Variants in EML6 observed in about 807,000 individuals in gnomAD.
The protein encoded by EML6 is EMAP like 6.
Under a neutral mutation model 240.1 loss-of-function variants are expected in EML6, and 154 were observed. The observed-to-expected ratio is 0.64, with a 90% CI of 0.56 to 0.73. The LOEUF is 0.73. Ranked by LOEUF, EML6 falls within the 30% of genes least tolerant of loss-of-function variation. The pLI is 0.00. For missense variants in EML6, 2,964 were observed against 2,474.6 expected (o/e 1.20, Z -4.20); for synonymous variants, 1,148 against 899.0 (o/e 1.28, Z -4.95).
chr2:54,963,518 G>C (rs1676617392), intron 36 of EML6, among the ~76,000 whole-genome samples: 1 of 151,796 alleles, frequency 6.6e-6, no homozygotes. Context: ...GTAAGTGACA[G>C]GGCCAGGATT....
intron 28 of EML6, among the ~76,000 whole-genome samples, chr2:54,945,012 C>A (rs1668431878): frequency 8.4e-6 from 1 of 118,478 alleles, no homozygotes; most frequent in African/African-American, 3.3e-5. Context: ...ATCCATTCCT[C>A]CCTACCCCCC....
chr2:54,797,171 A>AAAAAAAAAAAAAAAAAAAC (rs1558556926), intron 2 of EML6, among the ~76,000 whole-genome samples: 2 of 140,726 alleles, frequency 1.4e-5, no homozygotes, highest in South Asian at 2.2e-4. Flanking sequence ...TCTCAAAAAA[A>AAAAAAAAAAAAAAAAAAAC]AAAAAAAAAA....
intron 12 of EML6, among the ~76,000 whole-genome samples, chr2:54,860,445 A>C (rs1054155608): frequency 3.9e-5 from 6 of 152,156 alleles, no homozygotes; most frequent in African/African-American, 1.4e-4. Flanking sequence ...TCCGGAGGCT[A>C]CTTGGCGGCC....
intron 32 of EML6, 118 bp downstream of exon 32, chr2:54,954,274 G>C: frequency 1.1e-6 from 1 of 905,650 alleles, no homozygotes. Context: ...GACTGCTGCT[G>C]GGCAAGTGGA....
chr2:54,869,291 GGC>G lies in EML6; in HGVS notation c.2163_2164del (p.Arg721SerfsTer7). 3 of 1,551,690 alleles carry G rather than the reference GGC, an allele frequency of 1.9e-6. No individual in the cohort carries two copies. The South Asian group carries it at 3.6e-5, about 18-fold the overall frequency. On this transcript the variant is annotated frameshift_variant, in exon 15 of 42. Coordinates refer to ENST00000356458, the MANE Select transcript of EML6 (RefSeq NM_001039753.4). LOFTEE classifies it high-confidence loss of function. ...TATAATCGGCAGCAGCACTCCCAGA[GGC>G]TGTACCTGGGGCACGATGACGACAT...
chr2:54,818,548 C>T (rs1296532367), intron 4 of EML6, among the ~76,000 whole-genome samples: 2 of 152,234 alleles, frequency 1.3e-5, no homozygotes, highest in Non-Finnish European at 2.9e-5. Context: ...CAGAGCAGAG[C>T]TCTCTGAACC....
intron 12 of EML6, among the ~76,000 whole-genome samples, chr2:54,862,779 A>C (rs1017028961): frequency 2.6e-5 from 4 of 152,256 alleles, no homozygotes; most frequent in African/African-American, 9.6e-5. Flanking sequence ...GAGAATCATC[A>C]CACATAAGGA....
intron 26 of EML6, among the ~76,000 whole-genome samples, chr2:54,923,204 G>T (rs1224825758): frequency 6.6e-6 from 1 of 152,112 alleles, no homozygotes; most frequent in Non-Finnish European, 1.5e-5. Context: ...GCCTCCCAAA[G>T]TGCTGGGATT....
At chr2:54,808,324 C>T (rs1264376024) in intron 2 of EML6, among the ~76,000 whole-genome samples, 1 of 152,222 alleles carries the variant, frequency 6.6e-6, no homozygotes, top group Non-Finnish European at 1.5e-5. Context: ...CCTTTTCTGC[C>T]TTGCAGATGA....
intron 5 of EML6, among the ~76,000 whole-genome samples, chr2:54,822,340 C>G (rs1017912044): frequency 6.6e-6 from 1 of 152,252 alleles, no homozygotes; most frequent in Middle Eastern, 3.4e-3. Flanking sequence ...AATATTTATC[C>G]TTAGAAATGT....
chr2:54,802,854 A>C (rs1401017624), intron 2 of EML6, among the ~76,000 whole-genome samples: 1 of 152,152 alleles, frequency 6.6e-6, no homozygotes, highest in African/African-American at 2.4e-5. Flanking sequence ...ACACACTCTT[A>C]CACATGGAAT....
chr2:54,788,104 T>C (rs1387009559), intron 2 of EML6, among the ~76,000 whole-genome samples: 1 of 152,140 alleles, frequency 6.6e-6, no homozygotes, highest in Non-Finnish European at 1.5e-5. Flanking sequence ...AGCCAACCAC[T>C]GCCCTGTGGA....
intron 2 of EML6, among the ~76,000 whole-genome samples, chr2:54,799,491 G>GC (rs1670002031): frequency 6.6e-6 from 1 of 151,922 alleles, no homozygotes; most frequent in Non-Finnish European, 1.5e-5. Context: ...GATTACAGGT[G>GC]CCCACCACCA....
chr2:54,788,414 C>T (rs1436937624), intron 2 of EML6, among the ~76,000 whole-genome samples: 2 of 152,188 alleles, frequency 1.3e-5, no homozygotes, highest in Non-Finnish European at 2.9e-5. Context: ...CCACTATAAC[C>T]GAGTTTTCTG....
At chr2:54,874,921 C>G (rs1399983775) in intron 16 of EML6, among the ~76,000 whole-genome samples, 1 of 152,152 alleles carries the variant, frequency 6.6e-6, no homozygotes, top group Non-Finnish European at 1.5e-5. Flanking sequence ...AAGGCAGAAC[C>G]CAGGTCCATT....
intron 3 of EML6, 97 bp downstream of exon 3, chr2:54,813,488 T>A: frequency 9.5e-7 from 1 of 1,052,108 alleles, no homozygotes; most frequent in Non-Finnish European, 1.4e-6. Context: ...CCATCAACCC[T>A]TGCTGGTTCT....
intron 26 of EML6, among the ~76,000 whole-genome samples, chr2:54,922,056 AAAGC>A (rs1054401494): frequency 6.9e-4 from 105 of 152,344 alleles, no homozygotes; most frequent in African/African-American, 2.4e-3. Context: ...AGCAAAAACA[AAAGC>A]AAGTGAGACA....
intron 26 of EML6, 41 bp downstream of exon 26, chr2:54,916,976 T>G: frequency 7.1e-7 from 1 of 1,415,842 alleles, no homozygotes; most frequent in Non-Finnish European, 9.7e-7. Context: ...CTCAGTCTCC[T>G]TAATAACCTT....
intron 2 of EML6, among the ~76,000 whole-genome samples, chr2:54,800,826 T>C (rs1376787432): frequency 6.6e-6 from 1 of 152,028 alleles, no homozygotes; most frequent in Non-Finnish European, 1.5e-5. Context: ...ATAATAGACA[T>C]GTAGGATCCT....
Sources: gnomAD v4.1 joint callset for allele counts (sites outside exome capture counted in the v4.1 genomes callset) on GRCh38, gnomAD v4.1.1 for gene constraint, MANE v1.5 for transcripts, NCBI Gene and HGNC (gene_info 2026-07-23, HGNC 2026-07-21) for gene names.